PLSCR1: variants seen among roughly 807,000 people sequenced by gnomAD.
PLSCR1 encodes the protein phospholipid scramblase 1, also known as PL scramblase 1.
PLSCR1 carries 17 observed loss-of-function variants against 37.8 expected under a neutral mutation model. That is an observed-to-expected ratio of 0.45 (90% confidence interval 0.31 to 0.68). The LOEUF (loss-of-function observed/expected upper bound fraction) is 0.68, where lower values mean the gene tolerates loss of function less well. PLSCR1 is among the 30% of genes least tolerant of loss of function. The probability of loss-of-function intolerance (pLI) is 0.06; values close to 1 mark genes in which losing one functional copy is unlikely to be tolerated. For synonymous variants in PLSCR1, 116 were observed against 125.9 expected, an observed-to-expected ratio of 0.92 and a Z score of 0.53; for missense variants, 347 against 380.9, an observed-to-expected ratio of 0.91 and a Z score of 0.74.
intron 7 of PLSCR1, among the ~76,000 whole-genome samples, chr3:146,520,713 C>T (rs1201926823): frequency 6.6e-6 from 1 of 152,066 alleles, no homozygotes; most frequent in African/African-American, 2.4e-5. Context: ...TGAAAAACCT[C>T]AGTAAGGGGT....
At position 146,518,576 on chromosome 3, in the gene PLSCR1, AT is replaced by A. The variant is rs532645135; in HGVS notation, c.739-1410del. ...CTAGTAATGAAAACTCTTATGTTTT[AT>A]TTTTTAATTCTGAAATTTAAAAAAA... On this transcript the variant is annotated intron_variant, in intron 7 of 8. Coordinates refer to ENST00000342435, the MANE Select transcript of PLSCR1 (RefSeq NM_021105.3). Among the ~76,000 whole-genome samples, 451 of 152,276 alleles carry A rather than the reference AT, an allele frequency of 3.0e-3. 3 individuals are homozygous for A. Among genetic ancestry groups the A allele is most frequent in the African/African-American group, 0.01 (423 of 41,572 alleles).
chr3:146,538,954 A>G (rs543768992), intron 1 of PLSCR1, among the ~76,000 whole-genome samples: 74 of 152,300 alleles, frequency 4.9e-4, no homozygotes, highest in African/African-American at 1.7e-3. Context: ...GTGGTCCCCA[A>G]CCTTTTTGGC....
intron 4 of PLSCR1, among the ~76,000 whole-genome samples, chr3:146,526,066 C>A (rs1480477271): frequency 6.6e-6 from 1 of 150,736 alleles, no homozygotes; most frequent in Non-Finnish European, 1.5e-5. Flanking sequence ...GCCTGTAGTC[C>A]CAGCTACTTG....
intron 1 of PLSCR1, among the ~76,000 whole-genome samples, chr3:146,542,584 C>A (rs903136369): frequency 6.6e-6 from 1 of 152,184 alleles, no homozygotes; most frequent in African/African-American, 2.4e-5. Flanking sequence ...CTCAGGTATT[C>A]TTTTACAGCA....
At chr3:146,523,578 G>T (rs1210105821) in intron 5 of PLSCR1, among the ~76,000 whole-genome samples, 1 of 152,156 alleles carries the variant, frequency 6.6e-6, no homozygotes, top group Non-Finnish European at 1.5e-5. Context: ...ATGTCACATT[G>T]GACCCAGGGC....
At chr3:146,531,668 T>G (rs1224331509) in intron 3 of PLSCR1, among the ~76,000 whole-genome samples, 1 of 152,224 alleles carries the variant, frequency 6.6e-6, no homozygotes, top group Non-Finnish European at 1.5e-5. Context: ...CAAATACTTG[T>G]CATTTATAAT....
intron 3 of PLSCR1, among the ~76,000 whole-genome samples, chr3:146,532,845 G>GA (rs907461778): frequency 6.6e-6 from 1 of 152,032 alleles, no homozygotes; most frequent in South Asian, 2.1e-4. Context: ...TGGTTGAAAA[G>GA]AAAAAATGTA....
chr3:146,517,213 G>C (rs754990012), intron 7 of PLSCR1, 46 bp from the exon 8 acceptor site: 101 of 1,102,500 alleles, frequency 9.2e-5, no homozygotes, highest in Non-Finnish European at 1.2e-4. Flanking sequence ...GAAACTTATA[G>C]CAAAAGTACT....
At chr3:146,540,684 C>T (rs1310125458) in intron 1 of PLSCR1, among the ~76,000 whole-genome samples, 2 of 152,126 alleles carry the variant, frequency 1.3e-5, no homozygotes, top group Non-Finnish European at 2.9e-5. Context: ...GAAGATAAAG[C>T]ATTTCACATT....
rs2043931608 is a variant in PLSCR1, at chr3:146,515,255, A to G, written c.*790T>C. The G allele has an allele frequency of 6.6e-6, 1 of 152,216 alleles. No homozygotes were observed. The allele number at this position is 152,216 out of a possible 1,614,324, so 9.4% of individuals were successfully genotyped here. On this transcript the variant is annotated 3_prime_UTR_variant, in exon 9 of 9. Coordinates refer to ENST00000342435, the MANE Select transcript of PLSCR1 (RefSeq NM_021105.3). ...ATTTAGGTTTATACTCTGTGAATAT[A>G]TATATGATATTGTATTTAATTAATA... is the stretch of plus-strand genomic sequence containing the variant.
Position 146,533,513 on chromosome 3 carries a change from C to T in PLSCR1, c.51G>A (p.Leu17=), listed in dbSNP as rs2044227153. 5.0e-6 allele frequency: 8 copies of T among 1,608,330 alleles called. No homozygotes were observed. Among genetic ancestry groups the T allele is most frequent in the Non-Finnish European group, 6.8e-6 (8 of 1,175,886 alleles). ...QMNASHPETN[L]PVGYPPQYPP... is the part of the protein sequence containing the mutation. ...GATACTGAGGAGGATACCCAACTGG[C>T]AAGTTTGTTTCCGGGTGAGAAGCAT... is the stretch of plus-strand genomic sequence containing the variant. Residue 17 remains leucine (L), a synonymous_variant, in exon 3 of 9, where the codon TTG becomes TTA. Coordinates refer to ENST00000342435, the MANE Select transcript of PLSCR1 (RefSeq NM_021105.3).
intron 2 of PLSCR1, among the ~76,000 whole-genome samples, chr3:146,535,850 G>A (rs1341575206): frequency 6.6e-6 from 1 of 152,170 alleles, no homozygotes; most frequent in Non-Finnish European, 1.5e-5. Context: ...GGGTGACACT[G>A]TAGTGACAGA....
intron 3 of PLSCR1, 88 bp downstream of exon 3, chr3:146,533,382 C>CTCTCTTACTCTCAATCTTACTCTCAAT (rs1420905386): frequency 1.6e-6 from 1 of 606,876 alleles, no homozygotes; most frequent in African/African-American, 1.8e-5. Context: ...ACAATTCTCT[C>CTCTCTTACTCTCAATCTTACTCTCAAT]TCTCTCTTAC....
At chr3:146,540,036 A>G (rs2044318209) in intron 1 of PLSCR1, among the ~76,000 whole-genome samples, 1 of 152,218 alleles carries the variant, frequency 6.6e-6, no homozygotes, top group Admixed American at 6.5e-5. Context: ...GTGTGCCCTG[A>G]ATGAATTAAT....
chr3:146,530,024 A>C (rs1336312890), intron 3 of PLSCR1, among the ~76,000 whole-genome samples: 1 of 152,218 alleles, frequency 6.6e-6, no homozygotes, highest in Non-Finnish European at 1.5e-5. Flanking sequence ...GATGGCAAAA[A>C]ATTGTAAGAG....
Position 146,521,968 on chromosome 3 carries a change from A to G in PLSCR1, c.441T>C (p.Asp147=), listed in dbSNP as rs904387421. 2.5e-6 allele frequency: 4 copies of G among 1,612,880 alleles called. No individual in the cohort carries two copies. The highest frequency in any genetic ancestry group is 3.4e-6 in the Non-Finnish European group (4 of 1,178,846). Residue 147 remains aspartate (D), a synonymous_variant, in exon 6 of 9, where the codon GAT becomes GAC. Coordinates refer to ENST00000342435, the MANE Select transcript of PLSCR1 (RefSeq NM_021105.3). ...QRVYFAAEDT[D]CCTRNCCGPS... ...GCCCACAGCAATTTCGGGTACAGCA[A>G]TCAGTATCTTCCGCTGCAAAGTAAA...
At chr3:146,517,619 G>A (rs932065843) in intron 7 of PLSCR1, among the ~76,000 whole-genome samples, 1 of 152,168 alleles carries the variant, frequency 6.6e-6, no homozygotes, top group Non-Finnish European at 1.5e-5. Context: ...CCCACTGTGA[G>A]TTGCCAAACA....
At chr3:146,529,071 A>C (rs1052492808) in intron 3 of PLSCR1, among the ~76,000 whole-genome samples, 11 of 152,222 alleles carry the variant, frequency 7.2e-5, no homozygotes, top group Admixed American at 3.9e-4. Flanking sequence ...AAAACTCAGA[A>C]GGAAAATATG....
At chr3:146,522,825 A>C (rs987092414) in intron 5 of PLSCR1, among the ~76,000 whole-genome samples, 4 of 152,230 alleles carry the variant, frequency 2.6e-5, no homozygotes, top group Non-Finnish European at 5.9e-5. Flanking sequence ...ATCTACTGAG[A>C]TAGGGGAAAA....
Sources: allele counts gnomAD v4.1 joint callset (sites outside exome capture counted in the v4.1 genomes callset), GRCh38; gene constraint gnomAD v4.1.1; transcripts MANE v1.5; gene names NCBI Gene and HGNC (gene_info 2026-07-23, HGNC 2026-07-21).